The following MDGA2 variants were observed in gnomAD, a reference collection of about 807,000 sequenced individuals.
MDGA2 encodes MAM domain containing glycosylphosphatidylinositol anchor 2.
MDGA2 carries 40 observed loss-of-function variants against 117.8 expected under a neutral mutation model. The ratio of observed to expected loss-of-function variants is 0.34; its 90% confidence interval spans 0.26 to 0.44. The LOEUF is 0.44. Among genes scored for constraint, MDGA2 ranks in the 20% least tolerant of loss-of-function variants. MDGA2 has a pLI of 1.00. For synonymous variants in MDGA2, 452 were observed against 439.0 expected (o/e 1.03, Z -0.37); for missense variants, 1,123 against 1,250.6 (o/e 0.90, Z 1.54).
At chr14:47,140,165 C>T (rs999255663) in intron 4 of MDGA2, among the ~76,000 whole-genome samples, 6 of 151,650 alleles carry the variant, frequency 4.0e-5, no homozygotes, top group African/African-American at 1.5e-4. Context: ...CATCAAACAT[C>T]GATGAGAAAA....
At chr14:47,350,517 C>A (rs1375648769) in intron 1 of MDGA2, among the ~76,000 whole-genome samples, 1 of 152,154 alleles carries the variant, frequency 6.6e-6, no homozygotes, top group Non-Finnish European at 1.5e-5. Flanking sequence ...ATACAAAATA[C>A]AGCATGTTCA....
At chr14:46,876,827 T>G (rs1258083176) in intron 12 of MDGA2, among the ~76,000 whole-genome samples, 4 of 151,610 alleles carry the variant, frequency 2.6e-5, no homozygotes, top group African/African-American at 9.7e-5. Flanking sequence ...ATAGCTCTGA[T>G]TTTAGAATAT....
intron 1 of MDGA2, among the ~76,000 whole-genome samples, chr14:47,448,064 G>T (rs1261916684): frequency 6.6e-6 from 1 of 152,024 alleles, no homozygotes; most frequent in African/African-American, 2.4e-5. Context: ...AGTGAGATGG[G>T]TCTTGGTGAG....
At chr14:46,953,165 T>A (rs1381966648) in intron 9 of MDGA2, among the ~76,000 whole-genome samples, 1 of 151,898 alleles carries the variant, frequency 6.6e-6, no homozygotes, top group Non-Finnish European at 1.5e-5. Flanking sequence ...ATCTTGTACC[T>A]CACACTTAGT....
chr14:47,162,563 G>A (rs185894202), intron 3 of MDGA2, among the ~76,000 whole-genome samples: 159 of 150,840 alleles, frequency 1.1e-3, no homozygotes, highest in African/African-American at 3.7e-3. Flanking sequence ...ATATCTTTTT[G>A]TATTAGCTCA....
rs191330441 is a variant in MDGA2 at position 46,969,297 on chromosome 14, C to T, written c.1820-11654G>A. ...GGATGGCTGGGTCAAATGGTATTTC[C>T]AGTTCTAGATCCCAGAGGAATCGCC... is the stretch of plus-strand genomic sequence containing the variant. On this transcript the variant is annotated intron_variant, in intron 8 of 16. Transcript: ENST00000399232. 3.4e-3 allele frequency among the ~76,000 whole-genome samples: 515 copies of T among 152,226 alleles called. 5 individuals carry two copies. Among genetic ancestry groups the T allele is most frequent in the African/African-American group, 0.012 (485 of 41,530 alleles).
intron 2 of MDGA2, among the ~76,000 whole-genome samples, chr14:47,264,964 T>C (rs1362648214): frequency 6.6e-6 from 1 of 152,160 alleles, no homozygotes; most frequent in African/African-American, 2.4e-5. Context: ...TATTTTTTAA[T>C]GTTGCTGTAA....
At chr14:46,843,816 A>G (rs1379611164) in intron 16 of MDGA2, among the ~76,000 whole-genome samples, 1 of 152,184 alleles carries the variant, frequency 6.6e-6, no homozygotes, top group Non-Finnish European at 1.5e-5. Flanking sequence ...CTAGATTTAT[A>G]CAACATAGAT....
chr14:46,858,384 C>T (rs922258415), intron 14 of MDGA2, among the ~76,000 whole-genome samples: 50 of 150,658 alleles, frequency 3.3e-4, no homozygotes, highest in African/African-American at 1.2e-3. Flanking sequence ...TCACGGAACA[C>T]ATTTATAATA....
chr14:47,668,902 T>C (rs1413651637), intron 1 of MDGA2, among the ~76,000 whole-genome samples: 1 of 152,200 alleles, frequency 6.6e-6, no homozygotes, highest in Admixed American at 6.5e-5. Context: ...TGCTGTTGCC[T>C]TTATAGATTA....
Position 47,081,653 on chromosome 14 carries a change from A to G in MDGA2, c.1195+15201T>C, listed in dbSNP as rs542554965. Reference sequence around the variant, plus strand: ...AAATTGCTGTATTACATACAACCATATATCATATGTTAACTGGTAAGTATG... The same window carrying G: ...AAATTGCTGTATTACATACAACCATGTATCATATGTTAACTGGTAAGTATG... On this transcript the variant is annotated intron_variant, in intron 6 of 16. Transcript: ENST00000399232. Among the ~76,000 whole-genome samples the G allele has an allele frequency of 7.9e-5, 12 of 152,300 alleles. No homozygotes were observed. In the South Asian group the frequency reaches 2.3e-3, roughly 29 times the overall value.
chr14:47,066,049 C>T lies in MDGA2; in HGVS notation c.1196-4471G>A, dbSNP rs540208980. On this transcript the variant is annotated intron_variant, in intron 6 of 16. Coordinates refer to ENST00000399232, the MANE Select transcript of MDGA2 (RefSeq NM_001113498.3). ...TGAAAGATGAAGTATTTTCCTGACCCACTGAATGCCAATTAAATAAGCAGT... is the reference window on the plus strand; with the variant it reads ...TGAAAGATGAAGTATTTTCCTGACCTACTGAATGCCAATTAAATAAGCAGT... 1.5e-4 allele frequency among the ~76,000 whole-genome samples: 23 copies of T among 152,218 alleles called. No individual in the cohort carries two copies. The South Asian group carries it at 4.8e-3, about 32-fold the overall frequency.
chr14:46,939,626 G>A (rs560987394), intron 9 of MDGA2, among the ~76,000 whole-genome samples: 2 of 152,292 alleles, frequency 1.3e-5, no homozygotes, highest in South Asian at 2.1e-4. Flanking sequence ...AGAACAAAAT[G>A]TTTTAAGGCA....
intron 1 of MDGA2, among the ~76,000 whole-genome samples, chr14:47,484,950 C>T (rs1317649540): frequency 2.0e-5 from 3 of 151,988 alleles, no homozygotes; most frequent in African/African-American, 2.4e-5. Context: ...GCAAATTGCT[C>T]GGCCTCAGGT....
At chr14:47,245,273 C>G (rs1887200429) in intron 2 of MDGA2, among the ~76,000 whole-genome samples, 1 of 151,778 alleles carries the variant, frequency 6.6e-6, no homozygotes, top group South Asian at 2.1e-4. Context: ...AAGAGATCCT[C>G]CCCTCTTGGC....
chr14:47,627,104 T>C (rs1449187385), intron 1 of MDGA2, among the ~76,000 whole-genome samples: 1 of 151,700 alleles, frequency 6.6e-6, no homozygotes, highest in Non-Finnish European at 1.5e-5. Flanking sequence ...GGTGGGGACT[T>C]GGAGAACCTT....
chr14:47,059,977 G>C (rs920680055), intron 7 of MDGA2, among the ~76,000 whole-genome samples: 1 of 152,092 alleles, frequency 6.6e-6, no homozygotes, highest in Non-Finnish European at 1.5e-5. Context: ...TTTGTTGATT[G>C]AATGAATACA....
chr14:46,865,265 A>G (rs1335710757), intron 14 of MDGA2, among the ~76,000 whole-genome samples: 4 of 151,590 alleles, frequency 2.6e-5, no homozygotes, highest in Non-Finnish European at 5.9e-5. Context: ...GCATTAATCC[A>G]TTCTTGCAAA....
At chr14:47,123,930 A>G (rs555377156) in intron 5 of MDGA2, among the ~76,000 whole-genome samples, 106 of 152,206 alleles carry the variant, frequency 7.0e-4, no homozygotes, top group Non-Finnish European at 1.3e-3. Flanking sequence ...AAAAGATTTC[A>G]GAACCAAAAT....
Sources: allele counts gnomAD v4.1 joint callset (sites outside exome capture counted in the v4.1 genomes callset), GRCh38; gene constraint gnomAD v4.1.1; transcripts MANE v1.5; gene names NCBI Gene and HGNC (gene_info 2026-07-23, HGNC 2026-07-21).